EML1: variants seen among roughly 807,000 people sequenced by gnomAD.
EML1 encodes the protein EMAP like 1.
Under a neutral mutation model 110.4 loss-of-function variants are expected in EML1, and 27 were observed. The observed-to-expected ratio is 0.24, with a 90% CI of 0.18 to 0.34. The LOEUF is 0.34. Among genes scored for constraint, EML1 ranks in the 10% least tolerant of loss-of-function variants. The pLI is 1.00. For synonymous variants in EML1, 344 were observed against 385.8 expected (o/e 0.89, Z 1.27); for missense variants, 741 against 1,030.9 (o/e 0.72, Z 3.85).
intron 12 of EML1, 130 bp from the exon 13 acceptor site, chr14:99,911,292 A>G (rs781231800): frequency 3.8e-5 from 42 of 1,105,186 alleles, no homozygotes; most frequent in Non-Finnish European, 5.3e-5. Flanking sequence ...TGGATCCTTC[A>G]TAGATTCATA....
At chr14:99,820,165 G>A (rs1312487672) in intron 1 of EML1, among the ~76,000 whole-genome samples, 1 of 152,216 alleles carries the variant, frequency 6.6e-6, no homozygotes, top group Non-Finnish European at 1.5e-5. Context: ...GGTTGTGGAA[G>A]TTGATATATC....
At chr14:99,806,871 T>A (rs1281121515) in intron 1 of EML1, among the ~76,000 whole-genome samples, 1 of 152,158 alleles carries the variant, frequency 6.6e-6, no homozygotes, top group Non-Finnish European at 1.5e-5. Flanking sequence ...ATATGTTTGC[T>A]AAAGAAATTT....
Position 99,898,260 on chromosome 14 carries a change from G to A in EML1, c.855G>A (p.Thr285=), listed in dbSNP as rs373349724. 51 of 1,610,970 alleles carry A rather than the reference G, an allele frequency of 3.2e-5. No individual in the cohort carries two copies. Among genetic ancestry groups the A allele is most frequent in the Admixed American group, 2.0e-4 (12 of 59,718 alleles). The change falls in exon 8 of 22, where the codon ACG becomes ACA. Residue 285 remains threonine, a synonymous_variant. Transcript: ENST00000262233. Reference sequence around the variant, plus strand: ...TAGCAGTTCATCCTGATCGGATCACGATAGCAACAGGACAAGTTGCGGGCA... The same window carrying A: ...TAGCAGTTCATCCTGATCGGATCACAATAGCAACAGGACAAGTTGCGGGCA... The part of the protein sequence containing the change: ...KCLAVHPDRI[T]IATGQVAGTS...
intron 1 of EML1, among the ~76,000 whole-genome samples, chr14:99,820,537 T>C (rs2058243858): frequency 6.6e-6 from 1 of 152,224 alleles, no homozygotes; most frequent in African/African-American, 2.4e-5. Flanking sequence ...GAACACCAGT[T>C]CAATGCACAG....
intron 4 of EML1, among the ~76,000 whole-genome samples, chr14:99,884,707 T>C (rs77490932): frequency 0.059 from 8,972 of 152,218 alleles, 927 homozygotes; most frequent in African/African-American, 0.21. Flanking sequence ...TTTACTTTAC[T>C]ATAAAATAAA....
Position 99,940,971 on chromosome 14 carries a change from C to T in EML1, c.*859C>T, listed in dbSNP as rs1469353147. ...AATATGTAAGACTAGGCTTTACTGTCTTATGCTTATGGACATTGTATATTT... is the reference window on the plus strand; with the variant it reads ...AATATGTAAGACTAGGCTTTACTGTTTTATGCTTATGGACATTGTATATTT... On this transcript the variant is annotated 3_prime_UTR_variant, in exon 22 of 22. Coordinates refer to ENST00000262233, the MANE Select transcript of EML1 (RefSeq NM_004434.3). 1 of 152,190 alleles carries T rather than the reference C, an allele frequency of 6.6e-6. No homozygotes were observed. Among genetic ancestry groups the T allele is most frequent in the African/African-American group, 2.4e-5 (1 of 41,444 alleles). The allele number at this position is 152,190 out of a possible 1,614,324, so 9.4% of individuals were successfully genotyped here. A position where few individuals can be genotyped will look rare whatever the true frequency, so the allele number is the denominator to read the frequency against.
chr14:99,769,740 A>T (rs1015857523), upstream of EML1, among the ~76,000 whole-genome samples: 2 of 152,188 alleles, frequency 1.3e-5, no homozygotes, highest in Admixed American at 6.5e-5. Context: ...TTTTCTCAGG[A>T]CACCACTTAA....
At chr14:99,855,187 T>C (rs975907523) in intron 2 of EML1, among the ~76,000 whole-genome samples, 1 of 152,206 alleles carries the variant, frequency 6.6e-6, no homozygotes, top group African/African-American at 2.4e-5. Flanking sequence ...TTCAACTAAA[T>C]AGACAAAATT....
chr14:99,912,730 A>T (rs2059965777), intron 13 of EML1, among the ~76,000 whole-genome samples: 1 of 152,234 alleles, frequency 6.6e-6, no homozygotes, highest in African/African-American at 2.4e-5. Context: ...ATTTGGTTGA[A>T]CATATTGTGA....
chr14:99,769,254 CGGTTTTGCAGCA>C (rs935595409), upstream of EML1, among the ~76,000 whole-genome samples: 1 of 152,182 alleles, frequency 6.6e-6, no homozygotes, highest in Non-Finnish European at 1.5e-5. Flanking sequence ...AGCCCACCAG[CGGTTTTGCAGCA>C]GGTGCTGAGC....
intron 1 of EML1, among the ~76,000 whole-genome samples, chr14:99,748,059 C>T (rs2057132802): frequency 6.6e-6 from 1 of 152,208 alleles, no homozygotes; most frequent in Non-Finnish European, 1.5e-5. Context: ...GGAGGAGCCC[C>T]ACTCACTGCC....
At chr14:99,878,083 G>A (rs557088919) in intron 3 of EML1, among the ~76,000 whole-genome samples, 4 of 151,326 alleles carry the variant, frequency 2.6e-5, no homozygotes, top group Non-Finnish European at 4.4e-5. Context: ...GTCGGCTATC[G>A]TTAGCATTAG....
rs1033218229 is a variant in EML1, at chr14:99,939,124, T to G, written c.2192-73T>G. ...CAGTTTCATGTTCAGGACCGTTCAGTGGGCGCTTCCTGCGCCATGTGGCCC... is the reference window on the plus strand; with the variant it reads ...CAGTTTCATGTTCAGGACCGTTCAGGGGGCGCTTCCTGCGCCATGTGGCCC... On this transcript the variant is annotated intron_variant, in intron 20 of 21. Transcript: ENST00000262233. The surrounding 1 kb of genome is among the most constrained non-coding windows in gnomAD (Gnocchi z 4.2). The G allele has an allele frequency of 6.2e-5, 97 of 1,575,538 alleles. No individual in the cohort carries two copies. In the Admixed American group the frequency reaches 6.2e-4, roughly 10 times the overall value.
intron 1 of EML1, among the ~76,000 whole-genome samples, chr14:99,786,061 CAAA>C (rs56240053): frequency 0.051 from 6,094 of 120,210 alleles, 117 homozygotes; most frequent in Middle Eastern, 0.068. Flanking sequence ...CCTGGCTGCT[CAAA>C]AAAAAAAAAA....
At chr14:99,872,997 C>T (rs960755610) in intron 3 of EML1, among the ~76,000 whole-genome samples, 5 of 152,052 alleles carry the variant, frequency 3.3e-5, no homozygotes, top group Non-Finnish European at 1.5e-5. Context: ...ATTAAGACTT[C>T]GATTGAGGGC....
At chr14:99,737,958 C>A in intron 1 of EML1, 1 of 1,199,000 alleles carries the variant, frequency 8.3e-7, no homozygotes, top group South Asian at 1.3e-5. Flanking sequence ...CTGCAGGCAG[C>A]TGTGAGCTGG....
intron 2 of EML1, among the ~76,000 whole-genome samples, chr14:99,860,227 G>A (rs1036311976): frequency 2.0e-5 from 3 of 152,096 alleles, no homozygotes; most frequent in African/African-American, 7.2e-5. Flanking sequence ...TCCTTTTGGT[G>A]CTGTGTTTGT....
Position 99,898,266 on chromosome 14 carries a change from A to T in EML1, c.861A>T (p.Ala287=), listed in dbSNP as rs1329608922. The T allele has an allele frequency of 6.2e-7, 1 of 1,612,010 alleles. No individual in the cohort carries two copies. The highest frequency in any genetic ancestry group is 8.5e-7 in the Non-Finnish European group (1 of 1,178,656). Residue 287 remains alanine, a synonymous_variant, in exon 8 of 22, where the codon GCA becomes GCT. Coordinates refer to ENST00000262233, the MANE Select transcript of EML1 (RefSeq NM_004434.3). ...TTCATCCTGATCGGATCACGATAGC[A>T]ACAGGACAAGTTGCGGGCACATCGA... is the stretch of plus-strand genomic sequence containing the variant. The part of the protein sequence containing the change: ...LAVHPDRITI[A]TGQVAGTSKD...
chr14:99,752,112 CTGA>C (rs1418471479), intron 1 of EML1, among the ~76,000 whole-genome samples: 4 of 152,188 alleles, frequency 2.6e-5, no homozygotes, highest in Non-Finnish European at 5.9e-5. Context: ...CCGCGCAGGG[CTGA>C]TGTTTAATAT....
Sources: gnomAD v4.1 joint callset for allele counts (sites outside exome capture counted in the v4.1 genomes callset) on GRCh38, gnomAD v4.1.1 for gene constraint, Gnocchi (gnomAD v3.1) non-coding constraint, MANE v1.5 for transcripts, NCBI Gene and HGNC (gene_info 2026-07-23, HGNC 2026-07-21) for gene names.